The following APOLD1 variants were observed in gnomAD, a reference collection of about 807,000 sequenced individuals.
APOLD1 encodes the protein apolipoprotein L domain containing 1, also known as apolipoprotein L domain-containing protein 1.
In APOLD1, 22 loss-of-function variants were observed where a neutral mutation model predicts 15.3. The observed-to-expected ratio is 1.44, with a 90% confidence interval of 1.03 to 2.05. The LOEUF (loss-of-function observed/expected upper bound fraction) is 2.05, where lower values mean the gene tolerates loss of function less well. Ranked by LOEUF, APOLD1 falls within the 30% of genes most tolerant of loss-of-function variation. The pLI is 0.00. For synonymous variants in APOLD1, 190 were observed against 167.4 expected (o/e 1.13, Z -1.04); for missense variants, 394 against 353.5 (o/e 1.11, Z -0.92).
intron 1 of APOLD1, among the ~76,000 whole-genome samples, chr12:12,738,874 A>T (rs1420839325): frequency 6.6e-6 from 1 of 152,252 alleles, no homozygotes; most frequent in Non-Finnish European, 1.5e-5. Context: ...TACAGGAACT[A>T]TAGGCGATGC....
chr12:12,747,938 G>T (rs2136377947), intron 1 of APOLD1, among the ~76,000 whole-genome samples: 1 of 152,256 alleles, frequency 6.6e-6, no homozygotes, highest in South Asian at 2.1e-4. Flanking sequence ...GGGCTAGGTA[G>T]GTTTTTGTGG....
intron 1 of APOLD1, among the ~76,000 whole-genome samples, chr12:12,730,534 A>C (rs965201189): frequency 6.6e-6 from 1 of 151,702 alleles, no homozygotes; most frequent in Admixed American, 6.6e-5. Flanking sequence ...TACAAAAATT[A>C]GCCGGGCGTG....
chr12:12,770,168 GGGAGGCCGAGGCGGGC>G (rs1400856053), intron 1 of APOLD1, among the ~76,000 whole-genome samples: 25 of 152,158 alleles, frequency 1.6e-4, no homozygotes, highest in Non-Finnish European at 3.4e-4. Context: ...CCAGCACTTT[GGGAGGCCGAGGCGGGC>G]AGATCACGAA....
intron 1 of APOLD1, among the ~76,000 whole-genome samples, chr12:12,752,911 A>G (rs1380973230): frequency 6.6e-6 from 1 of 152,140 alleles, no homozygotes; most frequent in Non-Finnish European, 1.5e-5. Context: ...TTAGCCAGGT[A>G]ATAGTGATGA....
chr12:12,754,354 C>T (rs192155491), intron 1 of APOLD1, among the ~76,000 whole-genome samples: 12 of 152,186 alleles, frequency 7.9e-5, no homozygotes, highest in Admixed American at 5.9e-4. Context: ...TGAGCCACCA[C>T]ACCTGGCCAA....
chr12:12,756,251 A>G (rs889706280), intron 1 of APOLD1, among the ~76,000 whole-genome samples: 3 of 152,248 alleles, frequency 2.0e-5, no homozygotes, highest in African/African-American at 4.8e-5. Context: ...CGATTTTTCC[A>G]GATTTCTCTT....
chr12:12,787,040 G>A lies in APOLD1; in HGVS notation c.135G>A (p.Leu45=), dbSNP rs563219364. 2.8e-3 allele frequency: 3,899 copies of A among 1,374,894 alleles called. 10 individuals carry two copies. The highest frequency in any genetic ancestry group is 3.4e-3 in the Non-Finnish European group (3,688 of 1,074,828). The allele number at this position is 1,374,894 out of a possible 1,614,324, so 85.2% of individuals were successfully genotyped here. The change falls in exon 2 of 2, where the codon CTG becomes CTA. Residue 45 remains leucine (L), a synonymous_variant. Coordinates refer to ENST00000356591, the MANE Select transcript of APOLD1 (RefSeq NM_030817.3). The surrounding 1 kb of genome is among the most constrained non-coding windows in gnomAD (Gnocchi z 4.9). ...GCCTGCGCGAGGTGGCCCGGCGCCT[G>A]GAGCGCCTGCGCAGGCGCTCCCTCG... ...VLRLREVARR[L]ERLRRRSLVA...
chr12:12,767,708 C>T (rs1461432106), intron 1 of APOLD1, among the ~76,000 whole-genome samples: 1 of 151,954 alleles, frequency 6.6e-6, no homozygotes, highest in Non-Finnish European at 1.5e-5. Flanking sequence ...TTACATAGCA[C>T]TTACATTGTA....
chr12:12,750,757 C>T (rs1346962946), intron 1 of APOLD1, among the ~76,000 whole-genome samples: 1 of 151,822 alleles, frequency 6.6e-6, no homozygotes, highest in Non-Finnish European at 1.5e-5. Flanking sequence ...GCCTTGGATA[C>T]AGAATGTCAC....
At chr12:12,785,764 T>C (rs1947118928) in intron 1 of APOLD1, 70 bp downstream of exon 1, 1 of 1,471,092 alleles carries the variant, frequency 6.8e-7, no homozygotes, top group Non-Finnish European at 9.5e-7. Context: ...CCTGGAAAAT[T>C]ATCCCTGGTG....
At chr12:12,739,584 A>C (rs978360423) in intron 1 of APOLD1, among the ~76,000 whole-genome samples, 1 of 152,220 alleles carries the variant, frequency 6.6e-6, no homozygotes, top group African/African-American at 2.4e-5. Context: ...TAAAATTTCT[A>C]AAAGGAGAAA....
chr12:12,758,487 G>A (rs933066063), intron 1 of APOLD1, among the ~76,000 whole-genome samples: 2 of 152,108 alleles, frequency 1.3e-5, no homozygotes, highest in Non-Finnish European at 2.9e-5. Flanking sequence ...GGAGGTTGCA[G>A]TGAGCCAAGA....
intron 1 of APOLD1, among the ~76,000 whole-genome samples, chr12:12,732,614 A>G (rs1478207122): frequency 6.6e-6 from 1 of 151,690 alleles, no homozygotes; most frequent in Non-Finnish European, 1.5e-5. Flanking sequence ...GATCCCATCT[A>G]CTTGGGAGGC....
At chr12:12,753,849 C>T (rs1373184996) in intron 1 of APOLD1, among the ~76,000 whole-genome samples, 3 of 151,922 alleles carry the variant, frequency 2.0e-5, no homozygotes, top group Non-Finnish European at 4.4e-5. Context: ...TTAAAATCTT[C>T]CAGAGGAAAA....
intron 1 of APOLD1, chr12:12,771,617 G>T: frequency 2.0e-6 from 1 of 497,064 alleles, no homozygotes; most frequent in South Asian, 1.5e-5. Context: ...CCTGTTCTTT[G>T]ATAATTTTCT....
At chr12:12,743,417 G>A (rs1946742300) in intron 1 of APOLD1, among the ~76,000 whole-genome samples, 2 of 151,944 alleles carry the variant, frequency 1.3e-5, no homozygotes. Context: ...GATGAGGAGA[G>A]CGGTTTGGAT....
intron 1 of APOLD1, among the ~76,000 whole-genome samples, chr12:12,762,781 A>G (rs1946911164): frequency 6.6e-6 from 1 of 152,194 alleles, no homozygotes; most frequent in Admixed American, 6.5e-5. Context: ...CACTGGCCAG[A>G]GAGAAAGGAC....
intron 1 of APOLD1, chr12:12,726,221 A>G: frequency 1.3e-6 from 1 of 788,290 alleles, no homozygotes; most frequent in Non-Finnish European, 2.1e-6. Flanking sequence ...ACCGCCACTC[A>G]GAACCCATCA....
At chr12:12,747,047 T>G (rs1946771852) in intron 1 of APOLD1, among the ~76,000 whole-genome samples, 1 of 152,228 alleles carries the variant, frequency 6.6e-6, no homozygotes, top group South Asian at 2.1e-4. Flanking sequence ...TTCTAGATTA[T>G]AATCATGGAA....
Sources: allele counts gnomAD v4.1 joint callset (sites outside exome capture counted in the v4.1 genomes callset), GRCh38; gene constraint gnomAD v4.1.1; non-coding constraint Gnocchi (gnomAD v3.1); transcripts MANE v1.5; gene names NCBI Gene and HGNC (gene_info 2026-07-23, HGNC 2026-07-21).